Variants in CABP1 observed in about 807,000 individuals in gnomAD.
CABP1 encodes calcium-binding protein 1.
In CABP1, 17 loss-of-function variants were observed where a neutral mutation model predicts 34.3. That is an observed-to-expected ratio of 0.50 (90% confidence interval 0.34 to 0.74). CABP1 has a LOEUF of 0.74. Ranked by LOEUF, CABP1 falls within the 30% of genes least tolerant of loss-of-function variation. The pLI, the probability that CABP1 is intolerant of heterozygous loss-of-function variation, is 0.01. For missense variants in CABP1, 373 were observed against 511.1 expected, an observed-to-expected ratio of 0.73 and a Z score of 2.61; for synonymous variants, 198 against 229.2, an observed-to-expected ratio of 0.86 and a Z score of 1.23.
At chr12:120,656,250 G>T in intron 1 of CABP1, 2 of 1,567,264 alleles carry the variant, frequency 1.3e-6, no homozygotes, top group African/African-American at 1.4e-5. Context: ...CTGCGCAAGG[G>T]CTTCGCTGAG....
the CABP1 span, among the ~76,000 whole-genome samples, chr12:120,677,390 C>CTT: frequency 9.4e-3 from 718 of 76,752 alleles, no homozygotes; most frequent in Non-Finnish European, 0.011. Context: ...GCCCAGCCTT[C>CTT]TTTTTTTTTT....
downstream of CABP1, among the ~76,000 whole-genome samples, chr12:120,671,578 A>G (rs1405274918): frequency 6.6e-6 from 1 of 152,198 alleles, no homozygotes; most frequent in Non-Finnish European, 1.5e-5. Flanking sequence ...TGGAGTGTGG[A>G]GAGGCTCAGA....
chr12:120,654,373 G>A (rs984939608), intron 1 of CABP1, among the ~76,000 whole-genome samples: 5 of 152,182 alleles, frequency 3.3e-5, no homozygotes, highest in Non-Finnish European at 7.3e-5. Flanking sequence ...AGAGGAAGCA[G>A]GAGAGGACAC....
chr12:120,642,940 C>G (rs924425584), intron 1 of CABP1, among the ~76,000 whole-genome samples: 3 of 131,068 alleles, frequency 2.3e-5, no homozygotes, highest in African/African-American at 8.9e-5. Flanking sequence ...GGTCATTGGC[C>G]TAGAATCATA....
intron 1 of CABP1, among the ~76,000 whole-genome samples, chr12:120,647,084 G>A (rs1400292144): frequency 6.6e-6 from 1 of 152,200 alleles, no homozygotes; most frequent in East Asian, 1.9e-4. Flanking sequence ...AGGTCGACAA[G>A]TGGGTGCTAT....
chr12:120,658,618 T>C (rs542065218), intron 1 of CABP1, among the ~76,000 whole-genome samples: 1 of 152,214 alleles, frequency 6.6e-6, no homozygotes, highest in Admixed American at 6.5e-5. Flanking sequence ...GCCCTTCCCT[T>C]TCTAGATGAT....
the CABP1 span, among the ~76,000 whole-genome samples, chr12:120,679,911 C>A: frequency 6.6e-6 from 1 of 152,064 alleles, no homozygotes; most frequent in South Asian, 2.1e-4. Context: ...GTAGCTCATG[C>A]CTGAAATCCC....
chr12:120,678,410 G>A, the CABP1 span, among the ~76,000 whole-genome samples: 1 of 152,146 alleles, frequency 6.6e-6, no homozygotes, highest in Non-Finnish European at 1.5e-5. Context: ...CCCTTGGGGA[G>A]AAGGGTATTT....
At chr12:120,674,130 A>G in the CABP1 span, among the ~76,000 whole-genome samples, 5 of 152,190 alleles carry the variant, frequency 3.3e-5, no homozygotes, top group South Asian at 1.0e-3. Flanking sequence ...GCTGCAGTGA[A>G]CCATGTTCGT....
intron 1 of CABP1, among the ~76,000 whole-genome samples, chr12:120,647,873 C>T (rs1029310845): frequency 5.9e-5 from 9 of 151,988 alleles, no homozygotes; most frequent in African/African-American, 7.2e-5. Context: ...TGAGCCACCA[C>T]GCCCCGCCCC....
At chr12:120,673,407 A>AC in the CABP1 span, among the ~76,000 whole-genome samples, 2 of 151,828 alleles carry the variant, frequency 1.3e-5, no homozygotes, top group Admixed American at 6.6e-5. Flanking sequence ...ACATGGTGAA[A>AC]CCCCGTCTCT....
chr12:120,643,470 CT>C, intron 1 of CABP1, among the ~76,000 whole-genome samples: 1 of 152,272 alleles, frequency 6.6e-6, no homozygotes, highest in East Asian at 1.9e-4. Context: ...AATACAGAAA[CT>C]TTTAGTTAAG....
chr12:120,674,492 G>A, the CABP1 span, among the ~76,000 whole-genome samples: 27 of 152,342 alleles, frequency 1.8e-4, no homozygotes, highest in African/African-American at 6.5e-4. Flanking sequence ...CTCCCTGGAG[G>A]TGCCTGCTGC....
At chr12:120,679,315 G>A in the CABP1 span, among the ~76,000 whole-genome samples, 1 of 152,144 alleles carries the variant, frequency 6.6e-6, no homozygotes, top group East Asian at 1.9e-4. Context: ...TATATTAGAT[G>A]CCAAAACATT....
rs1880627645 is a variant in CABP1 at position 120,661,456 on chromosome 12, C to T, written c.1087+238C>T. 2.1e-6 allele frequency: 1 copy of T among 484,386 alleles called. No homozygotes were observed. The highest frequency in any genetic ancestry group is 2.6e-5 in the South Asian group (1 of 38,462). 30.0% of individuals were successfully genotyped at this position (484,386 alleles called of 1,614,324 possible). A position where few individuals can be genotyped will look rare whatever the true frequency, so the allele number is the denominator to read the frequency against. On this transcript the variant is annotated intron_variant, in intron 5 of 5. Coordinates refer to ENST00000316803, the MANE Select transcript of CABP1 (RefSeq NM_001033677.2). The surrounding 1 kb of genome is among the most constrained non-coding windows in gnomAD (Gnocchi z 5.1). The stretch of plus-strand genomic sequence containing the variant: ...ATCCTCTACCTTTCCATTCATCTGT[C>T]CATTTATCCATCCATTCATCTACCT...
chr12:120,651,222 G>A (rs1484496193), intron 1 of CABP1, among the ~76,000 whole-genome samples: 1 of 152,166 alleles, frequency 6.6e-6, no homozygotes, highest in South Asian at 2.1e-4. Context: ...AGTTAAGTCA[G>A]AGTATCTCAA....
At position 120,667,005 on chromosome 12, in the gene CABP1, G is replaced by C; in HGVS notation, c.*105G>C. Reference sequence around the variant, plus strand: ...GCCGCCGAGAGCCCAGGATGTACTGGCGGATGGGGCCTGCCTGCACCCCGG... The same window carrying C: ...GCCGCCGAGAGCCCAGGATGTACTGCCGGATGGGGCCTGCCTGCACCCCGG... On this transcript the variant is annotated 3_prime_UTR_variant, in exon 6 of 6. Transcript: ENST00000316803. The C allele has an allele frequency of 7.1e-7, 1 of 1,403,848 alleles. No homozygotes were observed. The highest frequency in any genetic ancestry group is 9.8e-7 in the Non-Finnish European group (1 of 1,025,596). The allele number at this position is 1,403,848 out of a possible 1,614,324, so 87.0% of individuals were successfully genotyped here. A position where few individuals can be genotyped will look rare whatever the true frequency, so the allele number is the denominator to read the frequency against.
At chr12:120,643,866 C>G (rs1482494232) in intron 1 of CABP1, among the ~76,000 whole-genome samples, 3 of 152,260 alleles carry the variant, frequency 2.0e-5, no homozygotes, top group African/African-American at 4.8e-5. Context: ...AGTTATTCTT[C>G]TTCTTTGTTG....
chr12:120,649,867 C>T (rs561743722), intron 1 of CABP1, among the ~76,000 whole-genome samples: 3 of 152,290 alleles, frequency 2.0e-5, no homozygotes, highest in Non-Finnish European at 4.4e-5. Flanking sequence ...ACCAGACCTC[C>T]CAGGCTCTCG....
Sources: gnomAD v4.1 joint callset for allele counts (sites outside exome capture counted in the v4.1 genomes callset) on GRCh38, gnomAD v4.1.1 for gene constraint, Gnocchi (gnomAD v3.1) non-coding constraint, MANE v1.5 for transcripts, NCBI Gene and HGNC (gene_info 2026-07-23, HGNC 2026-07-21) for gene names.